The following ARHGAP26 variants were observed in gnomAD, a reference collection of about 807,000 sequenced individuals.
The protein encoded by ARHGAP26 is rho GTPase-activating protein 26.
ARHGAP26 carries 38 observed loss-of-function variants against 104.8 expected under a neutral mutation model. The ratio of observed to expected loss-of-function variants is 0.36; its 90% CI spans 0.28 to 0.48. ARHGAP26 has a LOEUF of 0.48. ARHGAP26 is among the 20% of genes least tolerant of loss of function. The pLI is 0.99. For synonymous variants in ARHGAP26, 341 were observed against 340.0 expected (o/e 1.00, Z -0.03); for missense variants, 704 against 947.9 (o/e 0.74, Z 3.38).
At chr5:142,916,109 G>A (rs1035162359) in intron 10 of ARHGAP26, among the ~76,000 whole-genome samples, 2 of 152,140 alleles carry the variant, frequency 1.3e-5, no homozygotes, top group African/African-American at 4.8e-5. Context: ...TCGCATAAGG[G>A]TTTAAGGTAC....
chr5:143,201,902 G>C (rs143949424), intron 20 of ARHGAP26, among the ~76,000 whole-genome samples: 94 of 152,312 alleles, frequency 6.2e-4, no homozygotes, highest in African/African-American at 2.3e-3. Context: ...AAAAATCACA[G>C]AAGTGAAGAG....
intron 3 of ARHGAP26, among the ~76,000 whole-genome samples, chr5:142,875,436 G>T (rs927017409): frequency 6.6e-6 from 1 of 152,078 alleles, no homozygotes; most frequent in African/African-American, 2.4e-5. Flanking sequence ...ATGACTTAAG[G>T]GTGGATCTTT....
intron 12 of ARHGAP26, among the ~76,000 whole-genome samples, chr5:143,016,253 A>G (rs1029084898): frequency 6.6e-6 from 1 of 152,218 alleles, no homozygotes; most frequent in Non-Finnish European, 1.5e-5. Context: ...GAATAAGACA[A>G]ACAGTTTTAT....
chr5:142,951,003 TTC>T (rs1278797128), intron 11 of ARHGAP26, among the ~76,000 whole-genome samples: 166 of 8,428 alleles, frequency 0.02, 2 homozygotes, highest in East Asian at 0.17. Context: ...CCCTTTCTCT[TTC>T]CCTTTCCCTT....
chr5:142,870,918 C>T (rs1755193664), intron 1 of ARHGAP26, among the ~76,000 whole-genome samples: 2 of 152,188 alleles, frequency 1.3e-5, no homozygotes, highest in South Asian at 4.1e-4. Context: ...GAGATGCTGT[C>T]CCAAAGTCTG....
chr5:143,098,842 T>C (rs1792804742), intron 17 of ARHGAP26, among the ~76,000 whole-genome samples: 1 of 152,032 alleles, frequency 6.6e-6, no homozygotes, highest in Non-Finnish European at 1.5e-5. Flanking sequence ...TTGATGAACA[T>C]TCAATAAATA....
chr5:142,819,208 C>T (rs748706022), intron 1 of ARHGAP26, among the ~76,000 whole-genome samples: 3 of 152,174 alleles, frequency 2.0e-5, no homozygotes, highest in Admixed American at 1.3e-4. Flanking sequence ...CCTCAGTTTG[C>T]TTGTCTAACG....
chr5:142,957,302 C>G (rs950757219), intron 11 of ARHGAP26, among the ~76,000 whole-genome samples: 2 of 152,270 alleles, frequency 1.3e-5, no homozygotes, highest in Non-Finnish European at 2.9e-5. Flanking sequence ...AAAATTGTAT[C>G]TCTCATCAGC....
chr5:143,092,416 G>A (rs555259863), intron 17 of ARHGAP26, among the ~76,000 whole-genome samples: 49 of 152,038 alleles, frequency 3.2e-4, no homozygotes, highest in Non-Finnish European at 5.1e-4. Flanking sequence ...CGCCCACCTC[G>A]GCCTCCCAAA....
intron 19 of ARHGAP26, among the ~76,000 whole-genome samples, chr5:143,140,789 T>C (rs112989790): frequency 1.3e-5 from 2 of 152,306 alleles, no homozygotes; most frequent in African/African-American, 4.8e-5. Context: ...TTGTTTTACA[T>C]GGATCATGTT....
At chr5:142,967,069 C>T (rs572491796) in intron 11 of ARHGAP26, among the ~76,000 whole-genome samples, 34 of 152,060 alleles carry the variant, frequency 2.2e-4, no homozygotes, top group Non-Finnish European at 4.4e-4. Context: ...CGTACAAAAA[C>T]CCACAGAAGA....
chr5:143,198,837 G>A (rs567772054), intron 20 of ARHGAP26, among the ~76,000 whole-genome samples: 9 of 152,176 alleles, frequency 5.9e-5, no homozygotes, highest in South Asian at 2.1e-4. Flanking sequence ...TAGATTCAGG[G>A]AGTACATGTA....
chr5:142,836,103 T>A (rs1769505972), intron 1 of ARHGAP26, among the ~76,000 whole-genome samples: 1 of 152,188 alleles, frequency 6.6e-6, no homozygotes, highest in Non-Finnish European at 1.5e-5. Context: ...TCTGGATTCT[T>A]GGAGAGCAAA....
At chr5:143,006,416 A>AC (rs1233709293) in intron 11 of ARHGAP26, among the ~76,000 whole-genome samples, 1 of 150,246 alleles carries the variant, frequency 6.7e-6, no homozygotes, top group African/African-American at 2.5e-5. Flanking sequence ...TAGTTACTGA[A>AC]CCCCCTTTAT....
rs1381355780 is a variant in ARHGAP26 at position 143,150,233 on chromosome 5, C to T, written c.1988+2852C>T. ...CCAGCTAGTCTGAAATTGTTAGCAA[C>T]TGTGGCTGAACCTATTTTATGCCCA... is the stretch of plus-strand genomic sequence containing the variant. On this transcript the variant is annotated intron_variant, in intron 20 of 22. Coordinates refer to ENST00000645722, the MANE Select transcript of ARHGAP26 (RefSeq NM_001135608.3). Among the ~76,000 whole-genome samples the T allele has an allele frequency of 2.0e-5, 3 of 152,230 alleles. No individual in the cohort carries two copies. The East Asian group carries it at 5.8e-4, about 29-fold the overall frequency.
At chr5:142,972,535 CTT>C (rs1440673035) in intron 11 of ARHGAP26, among the ~76,000 whole-genome samples, 3 of 151,836 alleles carry the variant, frequency 2.0e-5, no homozygotes, top group Non-Finnish European at 4.4e-5. Context: ...TTAAAAATAA[CTT>C]TTATTTTGTG....
At chr5:142,890,678 C>G (rs2152422611) in intron 5 of ARHGAP26, among the ~76,000 whole-genome samples, 1 of 152,164 alleles carries the variant, frequency 6.6e-6, no homozygotes, top group Middle Eastern at 3.4e-3. Context: ...TAGGGTAGAG[C>G]AGGAAGTGAG....
chr5:142,861,022 G>C (rs1476919106), intron 1 of ARHGAP26, among the ~76,000 whole-genome samples: 1 of 152,218 alleles, frequency 6.6e-6, no homozygotes, highest in Non-Finnish European at 1.5e-5. Flanking sequence ...GACACGTTTT[G>C]AGAAACACTT....
intron 1 of ARHGAP26, among the ~76,000 whole-genome samples, chr5:142,860,727 A>G (rs910316979): frequency 5.3e-5 from 8 of 152,188 alleles, no homozygotes; most frequent in African/African-American, 1.9e-4. Flanking sequence ...GCTTTCTTCT[A>G]CCACGAGCAT....
Sources: gnomAD v4.1 joint callset for allele counts (sites outside exome capture counted in the v4.1 genomes callset) on GRCh38, gnomAD v4.1.1 for gene constraint, MANE v1.5 for transcripts, NCBI Gene and HGNC (gene_info 2026-07-23, HGNC 2026-07-21) for gene names.